The following PTPRD variants were observed in gnomAD, a reference collection of about 807,000 sequenced individuals.
The protein encoded by PTPRD is receptor-type tyrosine-protein phosphatase delta.
In PTPRD, 34 loss-of-function variants were observed where a neutral mutation model predicts 214.5. The observed-to-expected ratio is 0.16, with a 90% confidence interval of 0.12 to 0.21. PTPRD has a LOEUF of 0.21. Among genes scored for constraint, PTPRD ranks in the 10% least tolerant of loss-of-function variants. The probability of loss-of-function intolerance (pLI) is 1.00; values close to 1 mark genes in which losing one functional copy is unlikely to be tolerated. For synonymous variants in PTPRD, 1,128 were observed against 845.7 expected (o/e 1.33, Z -5.79); for missense variants, 2,545 against 2,398.7 (o/e 1.06, Z -1.27).
At chr9:8,455,074 T>A (rs1044530248) in intron 33 of PTPRD, among the ~76,000 whole-genome samples, 1 of 152,238 alleles carries the variant, frequency 6.6e-6, no homozygotes, top group African/African-American at 2.4e-5. Flanking sequence ...ATATAAAATA[T>A]CTGCAAATTG....
intron 7 of PTPRD, among the ~76,000 whole-genome samples, chr9:9,678,944 G>C (rs2096997930): frequency 2.0e-5 from 3 of 151,644 alleles, no homozygotes; most frequent in Admixed American, 2.0e-4. Context: ...TCCACCTTGT[G>C]GGAAAATATT....
At chr9:8,331,503 A>AACTTACTACAAAAAGTGTATACAG in intron 44 of PTPRD, 79 bp downstream of exon 44, 1 of 1,510,378 alleles carries the variant, frequency 6.6e-7, no homozygotes, top group African/African-American at 1.4e-5. Context: ...CAAATAAGCA[A>AACTTACTACAAAAAGTGTATACAG]ACTTACTACA....
intron 3 of PTPRD, among the ~76,000 whole-genome samples, chr9:10,209,452 T>C (rs1268756895): frequency 6.6e-6 from 1 of 152,150 alleles, no homozygotes; most frequent in African/African-American, 2.4e-5. Flanking sequence ...TAATGGGCCA[T>C]TAGGGAAGGG....
rs1260058275 is a variant in PTPRD, at chr9:9,572,563, ATATATATATATATATATGTG to A, written c.-237+2149_-237+2168del. On this transcript the variant is annotated intron_variant, in intron 8 of 45. Transcript: ENST00000381196. ...TATATACAATGGCATATATATATGTATATATATATATATATATGTGTATATATATGTATATGTGTATATAT... is the reference window on the plus strand; with the variant it reads ...TATATACAATGGCATATATATATGTATATATATATGTATATGTGTATATAT... Among the ~76,000 whole-genome samples, 344 of 49,792 alleles carry A rather than the reference ATATATATATATATATATGTG, an allele frequency of 6.9e-3. 2 individuals are homozygous for A. The highest frequency in any genetic ancestry group is 0.018 in the South Asian group (48 of 2,620). 32.7% of individuals were successfully genotyped at this position (49,792 alleles called of 152,430 possible).
intron 7 of PTPRD, among the ~76,000 whole-genome samples, chr9:9,723,177 T>C (rs1447636945): frequency 6.6e-6 from 1 of 152,056 alleles, no homozygotes; most frequent in Non-Finnish European, 1.5e-5. Flanking sequence ...GCCTGTGATC[T>C]ATTTTGAGTT....
intron 4 of PTPRD, among the ~76,000 whole-genome samples, chr9:9,992,590 C>A (rs937716522): frequency 6.6e-6 from 1 of 152,164 alleles, no homozygotes; most frequent in African/African-American, 2.4e-5. Context: ...GAAAATGTGG[C>A]ACATATACAC....
At chr9:10,495,841 G>A (rs10122882) in intron 2 of PTPRD, among the ~76,000 whole-genome samples, 1 of 151,716 alleles carries the variant, frequency 6.6e-6, no homozygotes, top group East Asian at 1.9e-4. Flanking sequence ...CATAGAATCT[G>A]TAGTCTATTT....
At chr9:10,458,837 T>C (rs889610168) in intron 2 of PTPRD, among the ~76,000 whole-genome samples, 2 of 152,218 alleles carry the variant, frequency 1.3e-5, no homozygotes, top group Admixed American at 6.5e-5. Flanking sequence ...TCAATAAAGT[T>C]GCAGAATATA....
At chr9:9,481,838 T>A (rs780740611) in intron 8 of PTPRD, among the ~76,000 whole-genome samples, 7 of 152,174 alleles carry the variant, frequency 4.6e-5, no homozygotes, top group Non-Finnish European at 1.0e-4. Flanking sequence ...TGGTAGCCCC[T>A]GTCCTTGCAG....
At chr9:9,052,905 G>C (rs2099689103) in intron 10 of PTPRD, among the ~76,000 whole-genome samples, 1 of 152,130 alleles carries the variant, frequency 6.6e-6, no homozygotes, top group Non-Finnish European at 1.5e-5. Flanking sequence ...GAATGTGCCT[G>C]TCATCTTTCC....
At chr9:10,200,194 T>C (rs1483391654) in intron 3 of PTPRD, among the ~76,000 whole-genome samples, 1 of 151,752 alleles carries the variant, frequency 6.6e-6, no homozygotes, top group African/African-American at 2.4e-5. Context: ...TAATGCTAAT[T>C]AACAAAGAGA....
chr9:9,138,292 T>C lies in PTPRD; in HGVS notation c.-143+45012A>G, dbSNP rs143921590. On this transcript the variant is annotated intron_variant, in intron 10 of 45. Transcript: ENST00000381196. Reference sequence around the variant, plus strand: ...CCTAAATAGGGATATAATATTGAGATGTGGTGAGAGTTAAGTATAATTATT... The same window carrying C: ...CCTAAATAGGGATATAATATTGAGACGTGGTGAGAGTTAAGTATAATTATT... 4.7e-3 allele frequency among the ~76,000 whole-genome samples: 711 copies of C among 152,240 alleles called. 1 individual carries two copies. The highest frequency in any genetic ancestry group is 0.016 in the African/African-American group (676 of 41,570).
chr9:8,378,143 A>C (rs1432521356), intron 37 of PTPRD, among the ~76,000 whole-genome samples: 1 of 152,132 alleles, frequency 6.6e-6, no homozygotes, highest in Non-Finnish European at 1.5e-5. Flanking sequence ...GTAAGACAAA[A>C]ATTTTGCCTT....
chr9:10,141,969 G>A (rs201675645), intron 3 of PTPRD, among the ~76,000 whole-genome samples: 4,205 of 151,206 alleles, frequency 0.028, 80 homozygotes, highest in Middle Eastern at 0.068. Flanking sequence ...AAATAAGGCC[G>A]CATATCTACA....
chr9:9,493,614 C>A (rs1010002157), intron 8 of PTPRD, among the ~76,000 whole-genome samples: 1 of 151,730 alleles, frequency 6.6e-6, no homozygotes, highest in East Asian at 1.9e-4. Flanking sequence ...CGGTGAAACC[C>A]TGTCTCTACT....
At chr9:10,161,184 T>C (rs995657495) in intron 3 of PTPRD, among the ~76,000 whole-genome samples, 4 of 151,746 alleles carry the variant, frequency 2.6e-5, no homozygotes, top group Non-Finnish European at 4.4e-5. Context: ...AAAACACCAA[T>C]AACATTATTC....
chr9:8,557,560 T>C (rs111283063), intron 14 of PTPRD, among the ~76,000 whole-genome samples: 7,491 of 147,754 alleles, frequency 0.051, 463 homozygotes, highest in African/African-American at 0.14. Flanking sequence ...CTGACCAACA[T>C]GGCGAAACCA....
intron 4 of PTPRD, among the ~76,000 whole-genome samples, chr9:9,955,262 A>T (rs1030153978): frequency 6.6e-6 from 1 of 151,776 alleles, no homozygotes; most frequent in African/African-American, 2.4e-5. Flanking sequence ...AACGAGTACT[A>T]AACGGTGAAA....
chr9:8,815,617 T>C (rs1184004631), intron 11 of PTPRD, among the ~76,000 whole-genome samples: 1 of 152,214 alleles, frequency 6.6e-6, no homozygotes, highest in South Asian at 2.1e-4. Context: ...TTAGAAAGTG[T>C]TGCAATCTTT....
Sources: allele counts gnomAD v4.1 joint callset (sites outside exome capture counted in the v4.1 genomes callset), GRCh38; gene constraint gnomAD v4.1.1; transcripts MANE v1.5; gene names NCBI Gene and HGNC (gene_info 2026-07-23, HGNC 2026-07-21).